TRAPPC9: variants seen among roughly 807,000 people sequenced by gnomAD.
TRAPPC9 encodes trafficking protein particle complex subunit 9.
TRAPPC9 carries 83 observed loss-of-function variants against 124.0 expected under a neutral mutation model. The observed-to-expected ratio is 0.67, with a 90% CI of 0.56 to 0.80. TRAPPC9 has a LOEUF of 0.80. Among genes scored for constraint, TRAPPC9 ranks in the 30% least tolerant of loss-of-function variants. The probability of loss-of-function intolerance (pLI) is 0.00; values close to 1 mark genes in which losing one functional copy is unlikely to be tolerated. For missense variants in TRAPPC9, 1,302 were observed against 1,508.3 expected (o/e 0.86, Z 2.27); for synonymous variants, 638 against 617.5 (o/e 1.03, Z -0.49).
chr8:139,917,124 T>C (rs573776140), intron 19 of TRAPPC9, among the ~76,000 whole-genome samples: 1 of 150,008 alleles, frequency 6.7e-6, no homozygotes, highest in Admixed American at 6.6e-5. Flanking sequence ...GCCTCCTAGA[T>C]CAATTATGGT....
chr8:140,088,139 T>A (rs1026069026), intron 17 of TRAPPC9, among the ~76,000 whole-genome samples: 2 of 152,164 alleles, frequency 1.3e-5, no homozygotes, highest in African/African-American at 4.8e-5. Context: ...TTCCTGGAAC[T>A]GGCACTCTCA....
At chr8:139,820,742 G>A (rs182539460) in intron 21 of TRAPPC9, among the ~76,000 whole-genome samples, 1 of 152,152 alleles carries the variant, frequency 6.6e-6, no homozygotes, top group Non-Finnish European at 1.5e-5. Flanking sequence ...AAATAGATCC[G>A]CATTTACAAA....
At chr8:140,035,650 T>A (rs1005095408) in intron 17 of TRAPPC9, among the ~76,000 whole-genome samples, 8 of 152,102 alleles carry the variant, frequency 5.3e-5, no homozygotes, top group African/African-American at 1.9e-4. Context: ...GGTACGTTGC[T>A]CCAGTTCCCG....
chr8:139,975,073 C>T (rs1449614741), intron 19 of TRAPPC9, among the ~76,000 whole-genome samples: 1 of 152,148 alleles, frequency 6.6e-6, no homozygotes, highest in Non-Finnish European at 1.5e-5. Flanking sequence ...CTGGAAAGCA[C>T]CACCAAGAAG....
At chr8:140,023,852 A>G in intron 18 of TRAPPC9, 85 bp downstream of exon 18, 1 of 1,602,812 alleles carries the variant, frequency 6.2e-7, no homozygotes, top group South Asian at 1.1e-5. Flanking sequence ...GGGATGCATG[A>G]CAAAAACACA....
chr8:140,156,961 T>TTTTCCATTCAAAAGCCTCCC lies in TRAPPC9; in HGVS notation c.2556+64478_2556+64497dup, dbSNP rs1563803939. On this transcript the variant is annotated intron_variant, in intron 17 of 22. Transcript: ENST00000438773. ...CTCCCTTTCCATTCAAAAGCCTCCC[T>TTTTCCATTCAAAAGCCTCCC]TTTCCATTCAAAAGCCTCCCTTTCC... is the stretch of plus-strand genomic sequence containing the variant. Among the ~76,000 whole-genome samples the TTTTCCATTCAAAAGCCTCCC allele has an allele frequency of 9.6e-3, 951 of 99,530 alleles. 119 individuals carry two copies. Among genetic ancestry groups the TTTTCCATTCAAAAGCCTCCC allele is most frequent in the Middle Eastern group, 0.033 (6 of 184 alleles). The allele number at this position is 99,530 out of a possible 152,430, so 65.3% of individuals were successfully genotyped here.
chr8:140,358,361 A>G (rs1268251223), intron 9 of TRAPPC9, among the ~76,000 whole-genome samples: 1 of 152,150 alleles, frequency 6.6e-6, no homozygotes, highest in Non-Finnish European at 1.5e-5. Context: ...GCCTGCCACC[A>G]TGCCTGGCTA....
At chr8:140,037,910 A>ACC (rs60146012) in intron 17 of TRAPPC9, among the ~76,000 whole-genome samples, 50 of 129,228 alleles carry the variant, frequency 3.9e-4, no homozygotes, top group African/African-American at 1.2e-3. Context: ...ACACACACAC[A>ACC]CCCCAGAGCT....
intron 4 of TRAPPC9, among the ~76,000 whole-genome samples, chr8:140,433,095 A>G (rs1438621690): frequency 6.6e-6 from 1 of 150,792 alleles, no homozygotes; most frequent in Non-Finnish European, 1.5e-5. Flanking sequence ...TTGAGTCAGG[A>G]GTTGGAGACT....
At chr8:139,963,749 C>CAAAAAAAAAAAAAAA (rs58224556) in intron 19 of TRAPPC9, among the ~76,000 whole-genome samples, 1 of 107,372 alleles carries the variant, frequency 9.3e-6, no homozygotes, top group African/African-American at 4.0e-5. Flanking sequence ...CCAGTTCTAC[C>CAAAAAAAAAAAAAAA]AAAAAAAAAA....
chr8:140,393,032 T>TTTTTTTTTATTTTTTTTTATTTTA (rs574235886), intron 7 of TRAPPC9, among the ~76,000 whole-genome samples: 1 of 138,024 alleles, frequency 7.2e-6, no homozygotes. Flanking sequence ...TCCCATTTTA[T>TTTTTTTTTATTTTTTTTTATTTTA]TTTTATTTTA....
intron 18 of TRAPPC9, among the ~76,000 whole-genome samples, chr8:139,997,389 A>G (rs1838076319): frequency 1.3e-5 from 2 of 151,762 alleles, no homozygotes; most frequent in African/African-American, 4.8e-5. Context: ...ACACAGGGAG[A>G]CAATGCATCC....
rs535951029 is a variant in TRAPPC9, at chr8:140,423,256, G to A, written c.886+3359C>T. On this transcript the variant is annotated intron_variant, in intron 5 of 22. Coordinates refer to ENST00000438773, the MANE Select transcript of TRAPPC9 (RefSeq NM_001160372.4). ...GTTCAGGACCAGCCTGGCCAACATG[G>A]TGAAACCCCTTCTCTACTAAAAATA... 3.9e-5 allele frequency among the ~76,000 whole-genome samples: 6 copies of A among 152,108 alleles called. No individual in the cohort carries two copies. The East Asian group carries it at 7.7e-4, about 20-fold the overall frequency.
At chr8:139,806,998 C>T (rs1824115132) in intron 21 of TRAPPC9, among the ~76,000 whole-genome samples, 3 of 152,238 alleles carry the variant, frequency 2.0e-5, no homozygotes, top group Admixed American at 2.0e-4. Context: ...TCCGGAGAGC[C>T]ACCTGCCGAT....
At chr8:139,734,449 G>A (rs750720875) in intron 21 of TRAPPC9, among the ~76,000 whole-genome samples, 2 of 152,086 alleles carry the variant, frequency 1.3e-5, no homozygotes, top group Non-Finnish European at 2.9e-5. Flanking sequence ...TTTTTATATT[G>A]AGCTCTGTCT....
chr8:139,760,939 A>G (rs557472530), intron 21 of TRAPPC9, among the ~76,000 whole-genome samples: 2 of 152,130 alleles, frequency 1.3e-5, no homozygotes, highest in African/African-American at 2.4e-5. Context: ...GAGCCAAACC[A>G]TATCAGATGG....
chr8:140,200,445 G>A (rs1587910481), intron 17 of TRAPPC9, among the ~76,000 whole-genome samples: 1 of 151,954 alleles, frequency 6.6e-6, no homozygotes, highest in South Asian at 2.1e-4. Flanking sequence ...TATAGAAAGG[G>A]GACCAAAAAG....
chr8:140,214,176 C>T (rs1428146282), intron 17 of TRAPPC9, among the ~76,000 whole-genome samples: 1 of 152,236 alleles, frequency 6.6e-6, no homozygotes, highest in Non-Finnish European at 1.5e-5. Flanking sequence ...AAGTTTGGGC[C>T]CTTCTCAGAA....
At chr8:139,943,767 T>C (rs1482782341) in intron 19 of TRAPPC9, among the ~76,000 whole-genome samples, 5 of 152,102 alleles carry the variant, frequency 3.3e-5, no homozygotes, top group Admixed American at 1.3e-4. Context: ...TAATAAACAA[T>C]GCATTGGATA....
Sources: allele counts gnomAD v4.1 joint callset (sites outside exome capture counted in the v4.1 genomes callset), GRCh38; gene constraint gnomAD v4.1.1; transcripts MANE v1.5; gene names NCBI Gene and HGNC (gene_info 2026-07-23, HGNC 2026-07-21).